The following CDH20 variants were observed in gnomAD, a reference collection of about 807,000 sequenced individuals.
CDH20 encodes cadherin 20.
In CDH20, 29 loss-of-function variants were observed where a neutral mutation model predicts 74.2. The ratio of observed to expected loss-of-function variants is 0.39; its 90% CI spans 0.29 to 0.53. The LOEUF is 0.53. Ranked by LOEUF, CDH20 falls within the 20% of genes least tolerant of loss-of-function variation. The pLI, the probability that CDH20 is intolerant of heterozygous loss-of-function variation, is 0.69. For missense variants in CDH20, 988 were observed against 1,048.3 expected, an observed-to-expected ratio of 0.94 and a Z score of 0.79; for synonymous variants, 469 against 405.4, an observed-to-expected ratio of 1.16 and a Z score of -1.88.
chr18:61,398,684 T>C (rs551215689), intron 1 of CDH20, among the ~76,000 whole-genome samples: 2 of 152,314 alleles, frequency 1.3e-5, no homozygotes, highest in South Asian at 4.1e-4. Flanking sequence ...TTTGTGGGCA[T>C]TGAGACTCCT....
At chr18:61,460,108 C>G (rs987144208) in intron 1 of CDH20, among the ~76,000 whole-genome samples, 3 of 152,138 alleles carry the variant, frequency 2.0e-5, no homozygotes, top group Admixed American at 1.3e-4. Flanking sequence ...AAAAAATGAC[C>G]TAAATTCAGT....
chr18:61,528,329 G>T, intron 7 of CDH20, 109 bp downstream of exon 7: 9 of 1,146,328 alleles, frequency 7.9e-6, no homozygotes, highest in Middle Eastern at 2.6e-4. Flanking sequence ...TCCCATTTCT[G>T]GAGACTCTCC....
At chr18:61,379,305 A>T (rs2144175870) in intron 1 of CDH20, among the ~76,000 whole-genome samples, 1 of 152,342 alleles carries the variant, frequency 6.6e-6, no homozygotes, top group South Asian at 2.1e-4. Flanking sequence ...GCTGTGAAGC[A>T]TTATTATGCT....
intron 1 of CDH20, among the ~76,000 whole-genome samples, chr18:61,438,777 T>C (rs1236837033): frequency 2.0e-5 from 3 of 152,072 alleles, no homozygotes; most frequent in Non-Finnish European, 4.4e-5. Context: ...AGAAAATAAA[T>C]CATTCTACCA....
At chr18:61,528,614 C>T (rs1912535063) in intron 7 of CDH20, among the ~76,000 whole-genome samples, 1 of 152,142 alleles carries the variant, frequency 6.6e-6, no homozygotes, top group African/African-American at 2.4e-5. Flanking sequence ...TGCAGTAGCA[C>T]TCTCTGAGTT....
intron 2 of CDH20, among the ~76,000 whole-genome samples, chr18:61,492,597 G>A (rs1014885001): frequency 2.6e-5 from 4 of 152,110 alleles, no homozygotes; most frequent in Admixed American, 1.3e-4. Context: ...TCATTCTCGC[G>A]TTGCAGCGGT....
intron 1 of CDH20, among the ~76,000 whole-genome samples, chr18:61,486,531 G>C (rs1910768257): frequency 1.3e-5 from 2 of 152,146 alleles, no homozygotes; most frequent in Admixed American, 6.5e-5. Flanking sequence ...TGATTGGGAG[G>C]TGGAATAGCA....
chr18:61,541,615 G>A (rs1913042037), intron 9 of CDH20, among the ~76,000 whole-genome samples: 1 of 152,290 alleles, frequency 6.6e-6, no homozygotes, highest in South Asian at 2.1e-4. Flanking sequence ...TTTAGGCCAA[G>A]ATACTGAAAA....
intron 1 of CDH20, among the ~76,000 whole-genome samples, chr18:61,418,863 T>C (rs1912785692): frequency 6.6e-6 from 1 of 152,208 alleles, no homozygotes. Flanking sequence ...TATTTATCTC[T>C]TTATGCACAT....
intron 1 of CDH20, among the ~76,000 whole-genome samples, chr18:61,399,868 T>C (rs1912101611): frequency 6.6e-6 from 1 of 152,182 alleles, no homozygotes; most frequent in African/African-American, 2.4e-5. Flanking sequence ...GAAAACAGTA[T>C]CATCATTAAG....
chr18:61,363,752 G>C (rs1166169368), intron 1 of CDH20, among the ~76,000 whole-genome samples: 1 of 152,106 alleles, frequency 6.6e-6, no homozygotes, highest in Non-Finnish European at 1.5e-5. Context: ...CTTAAAACAA[G>C]AGTCAGGGAA....
chr18:61,462,202 A>G (rs1243706289), intron 1 of CDH20, among the ~76,000 whole-genome samples: 3 of 152,346 alleles, frequency 2.0e-5, no homozygotes, highest in African/African-American at 7.2e-5. Context: ...ATTAAAAAGA[A>G]GAAGACTGTG....
chr18:61,357,037 A>G (rs1443451002), intron 1 of CDH20, among the ~76,000 whole-genome samples: 2 of 152,218 alleles, frequency 1.3e-5, no homozygotes, highest in African/African-American at 4.8e-5. Context: ...GCTTAACTAT[A>G]CCAAGATACT....
chr18:61,550,186 G>A lies in CDH20; in HGVS notation c.1857G>A (p.Arg619=), dbSNP rs773583748. 33 of 1,613,916 alleles carry A rather than the reference G, an allele frequency of 2.0e-5. No homozygotes were observed. Among genetic ancestry groups the A allele is most frequent in the Admixed American group, 3.3e-5 (2 of 60,008 alleles). ...EAYMLPVSLS[R]GALIAILACI... ...ACATGCTCCCAGTCAGTTTGAGCCG[G>A]GGCGCCCTCATTGCCATCCTCGCCT... is the stretch of plus-strand genomic sequence containing the variant. Residue 619 remains arginine, a synonymous_variant, in exon 11 of 12, where the codon CGG becomes CGA. Transcript: ENST00000262717.
At position 61,433,116 on chromosome 18, in the gene CDH20, A is replaced by T. The variant is rs556922485; in HGVS notation, c.-152-57286A>T. Among the ~76,000 whole-genome samples the T allele has an allele frequency of 1.5e-4, 23 of 152,260 alleles. No homozygotes were observed. The South Asian group carries it at 4.8e-3, about 32-fold the overall frequency. ...TACCTCTCTAGGCCTCAGTTTTCAC[A>T]TCTGTAAAATGGGGATAAATGGTGT... On this transcript the variant is annotated intron_variant, in intron 1 of 11. Coordinates refer to ENST00000262717, the MANE Select transcript of CDH20 (RefSeq NM_031891.4).
chr18:61,348,941 C>A (rs186877384), intron 1 of CDH20, among the ~76,000 whole-genome samples: 1 of 152,050 alleles, frequency 6.6e-6, no homozygotes, highest in African/African-American at 2.4e-5. Context: ...TTTTTCAGCA[C>A]GAATAGCTAG....
rs145965890 is a variant in CDH20, at chr18:61,539,155, C to G, written c.1530+10C>G. 553 of 1,613,768 alleles carry G rather than the reference C, an allele frequency of 3.4e-4. 1 individual carries two copies. In the African/African-American group the frequency reaches 3.9e-3, roughly 11 times the overall value. The stretch of plus-strand genomic sequence containing the variant: ...CGCCAAGGCAGGACAGGTAAGGTGG[C>G]CTGTGGGTGGTGCACTCTGCTTAAC... On this transcript the variant is annotated intron_variant, in intron 9 of 11. Transcript: ENST00000262717.
At chr18:61,526,409 A>G (rs1912416569) in intron 6 of CDH20, among the ~76,000 whole-genome samples, 1 of 152,190 alleles carries the variant, frequency 6.6e-6, no homozygotes, top group Non-Finnish European at 1.5e-5. Context: ...TTAAATGGGT[A>G]CATGCCTCTC....
intron 6 of CDH20, among the ~76,000 whole-genome samples, chr18:61,511,656 AT>A (rs1911788576): frequency 6.6e-6 from 1 of 152,242 alleles, no homozygotes; most frequent in Non-Finnish European, 1.5e-5. Flanking sequence ...TTTAGACTGT[AT>A]TACAAGCCAT....
Sources: allele counts gnomAD v4.1 joint callset (sites outside exome capture counted in the v4.1 genomes callset), GRCh38; gene constraint gnomAD v4.1.1; transcripts MANE v1.5; gene names NCBI Gene and HGNC (gene_info 2026-07-23, HGNC 2026-07-21).